LYPD6: variants seen among roughly 807,000 people sequenced by gnomAD.
The protein encoded by LYPD6 is ly6/PLAUR domain-containing protein 6.
In LYPD6, 15 loss-of-function variants were observed where a neutral mutation model predicts 22.7. The ratio of observed to expected loss-of-function variants is 0.66; its 90% CI spans 0.44 to 1.02. The LOEUF (loss-of-function observed/expected upper bound fraction) is 1.02. LYPD6 is among the 50% of genes least tolerant of loss of function. LYPD6 has a pLI of 0.00. For synonymous variants in LYPD6, 72 were observed against 77.5 expected, an observed-to-expected ratio of 0.93 and a Z score of 0.37; for missense variants, 189 against 208.4, an observed-to-expected ratio of 0.91 and a Z score of 0.57.
intron 1 of LYPD6, among the ~76,000 whole-genome samples, chr2:149,384,510 G>T (rs966840793): frequency 2.6e-5 from 4 of 152,120 alleles, no homozygotes; most frequent in Non-Finnish European, 5.9e-5. Flanking sequence ...GCTCAGCACT[G>T]GCCCCAGTCA....
chr2:149,471,873 A>G lies in LYPD6; in HGVS notation c.*1023A>G, dbSNP rs1175372796. On this transcript the variant is annotated 3_prime_UTR_variant, in exon 5 of 5. Transcript: ENST00000334166. ...CAAATCCCCAGTGACTTTATGGAGA[A>G]GATTCTGCATTAAATTGTCTTTCGA... The G allele has an allele frequency of 6.6e-6, 1 of 152,638 alleles. No individual in the cohort carries two copies. Among genetic ancestry groups the G allele is most frequent in the Non-Finnish European group, 1.5e-5 (1 of 68,030 alleles). The allele number at this position is 152,638 out of a possible 1,614,324, so 9.5% of individuals were successfully genotyped here.
chr2:149,337,748 A>G (rs1445317625), intron 1 of LYPD6, among the ~76,000 whole-genome samples: 2 of 152,166 alleles, frequency 1.3e-5, no homozygotes, highest in Admixed American at 6.5e-5. Context: ...AAATAAGCAT[A>G]GTTCTCAATA....
downstream of LYPD6, among the ~76,000 whole-genome samples, chr2:149,477,485 T>C (rs1681463034): frequency 6.6e-6 from 1 of 151,598 alleles, no homozygotes; most frequent in East Asian, 1.9e-4. Flanking sequence ...TAGCCAGACG[T>C]GGTGGCACAC....
downstream of LYPD6, among the ~76,000 whole-genome samples, chr2:149,477,286 C>A (rs1248245020): frequency 2.0e-5 from 3 of 152,116 alleles, no homozygotes; most frequent in Non-Finnish European, 4.4e-5. Context: ...GCCATCAGAC[C>A]TCCCATGAAT....
At chr2:149,428,740 A>C (rs887250155) in intron 1 of LYPD6, among the ~76,000 whole-genome samples, 1 of 152,224 alleles carries the variant, frequency 6.6e-6, no homozygotes, top group South Asian at 2.1e-4. Flanking sequence ...AGAAGGGGGA[A>C]GTATAGAGCA....
chr2:149,361,652 C>CT (rs1387013157), intron 1 of LYPD6, among the ~76,000 whole-genome samples: 2 of 152,138 alleles, frequency 1.3e-5, no homozygotes. Context: ...TTGAATATGT[C>CT]TGTTTTATTC....
intron 1 of LYPD6, among the ~76,000 whole-genome samples, chr2:149,394,280 C>G (rs1057234392): frequency 1.2e-4 from 18 of 152,026 alleles, no homozygotes; most frequent in Non-Finnish European, 2.4e-4. Context: ...CCTCTGGGTC[C>G]CTGAGGGGAT....
chr2:149,446,141 C>G (rs1376766118), intron 2 of LYPD6, among the ~76,000 whole-genome samples: 2 of 152,136 alleles, frequency 1.3e-5, no homozygotes, highest in Admixed American at 6.5e-5. Flanking sequence ...GCAGTCAAAA[C>G]ATACACATTT....
At chr2:149,399,149 A>G (rs1287489423) in intron 1 of LYPD6, among the ~76,000 whole-genome samples, 2 of 152,200 alleles carry the variant, frequency 1.3e-5, no homozygotes, top group African/African-American at 4.8e-5. Context: ...TTTCCTGTTT[A>G]TGAATTATAG....
At chr2:149,436,203 A>G (rs935287543) in intron 1 of LYPD6, among the ~76,000 whole-genome samples, 1 of 152,184 alleles carries the variant, frequency 6.6e-6, no homozygotes, top group South Asian at 2.1e-4. Flanking sequence ...TTCCTTGCCT[A>G]TGTATTTTTA....
intron 1 of LYPD6, among the ~76,000 whole-genome samples, chr2:149,377,672 C>T (rs548075870): frequency 5.3e-4 from 81 of 152,086 alleles, no homozygotes; most frequent in Non-Finnish European, 9.9e-4. Context: ...TCCAGCTACT[C>T]GGGAGGCTGA....
At chr2:149,433,502 G>C (rs2105145669) in intron 1 of LYPD6, among the ~76,000 whole-genome samples, 1 of 152,268 alleles carries the variant, frequency 6.6e-6, no homozygotes, top group South Asian at 2.1e-4. Context: ...GGGGGACTTG[G>C]TTTAGTTCCT....
chr2:149,437,666 GCCCACT>G lies in LYPD6; in HGVS notation c.-38_-33del, dbSNP rs1683462943. On this transcript the variant is annotated 5_prime_UTR_variant, in exon 2 of 5. Transcript: ENST00000334166. ...CAAGTTCTCTCCTGTTGCCCTGAGT[GCCCACT>G]CCCAGGCCCTCTGTATGAGTGACAC... The G allele has an allele frequency of 1.2e-6, 2 of 1,607,228 alleles. No individual in the cohort carries two copies. The highest frequency in any genetic ancestry group is 1.7e-6 in the Non-Finnish European group (2 of 1,175,786).
intron 1 of LYPD6, among the ~76,000 whole-genome samples, chr2:149,373,366 C>T (rs1351378880): frequency 2.0e-5 from 3 of 152,034 alleles, no homozygotes; most frequent in Non-Finnish European, 4.4e-5. Flanking sequence ...GAGTTGCTGG[C>T]ATGGTATTTA....
At chr2:149,440,764 G>T (rs983246160) in intron 2 of LYPD6, among the ~76,000 whole-genome samples, 2 of 141,426 alleles carry the variant, frequency 1.4e-5, no homozygotes, top group Non-Finnish European at 3.0e-5. Flanking sequence ...GCAGTGGTGC[G>T]ATCTTGGCTC....
In LYPD6 at chr2:149,470,892, C is replaced by T; in HGVS notation, c.*42C>T. The T allele has an allele frequency of 6.4e-7, 1 of 1,565,892 alleles. No individual in the cohort carries two copies. ...TGTGTTAATAGCGATCCATGGGGAT[C>T]TCGATGGTCCACAGACCTGCATGAG... On this transcript the variant is annotated 3_prime_UTR_variant, in exon 5 of 5. Coordinates refer to ENST00000334166, the MANE Select transcript of LYPD6 (RefSeq NM_194317.5).
At chr2:149,443,165 A>G (rs1190844551) in intron 2 of LYPD6, among the ~76,000 whole-genome samples, 3 of 152,226 alleles carry the variant, frequency 2.0e-5, no homozygotes, top group African/African-American at 7.2e-5. Context: ...ACAAAAGATC[A>G]TTTTGAAAAG....
chr2:149,439,212 G>A (rs1220435280), intron 2 of LYPD6, among the ~76,000 whole-genome samples: 1 of 152,130 alleles, frequency 6.6e-6, no homozygotes, highest in Non-Finnish European at 1.5e-5. Context: ...TTAATAGGCA[G>A]CAAATAATTT....
chr2:149,356,788 A>C (rs1443122278), intron 1 of LYPD6, among the ~76,000 whole-genome samples: 1 of 152,172 alleles, frequency 6.6e-6, no homozygotes, highest in African/African-American at 2.4e-5. Flanking sequence ...TTTCAGGATG[A>C]GTGGATCAGT....
Sources: gnomAD v4.1 joint callset for allele counts (sites outside exome capture counted in the v4.1 genomes callset) on GRCh38, gnomAD v4.1.1 for gene constraint, MANE v1.5 for transcripts, NCBI Gene and HGNC (gene_info 2026-07-23, HGNC 2026-07-21) for gene names.